GNG12: variants seen among roughly 807,000 people sequenced by gnomAD.
The protein encoded by GNG12 is G protein subunit gamma 12, also known as guanine nucleotide-binding protein G(I)/G(S)/G(O) subunit gamma-12.
For missense variants in GNG12, 69 were observed against 83.8 expected, an observed-to-expected ratio of 0.82 and a Z score of 0.69; for synonymous variants, 28 against 29.7, an observed-to-expected ratio of 0.94 and a Z score of 0.19.
chr1:67,803,681 G>T (rs1411487008), intron 1 of GNG12, among the ~76,000 whole-genome samples: 1 of 152,168 alleles, frequency 6.6e-6, no homozygotes, highest in Admixed American at 6.5e-5. Flanking sequence ...TCCCTTTTTA[G>T]AGATGCTTAG....
intron 1 of GNG12, among the ~76,000 whole-genome samples, chr1:67,806,946 T>TTATA (rs1646897246): frequency 6.6e-6 from 1 of 152,148 alleles, no homozygotes; most frequent in Non-Finnish European, 1.5e-5. Context: ...ATAATTGACT[T>TTATA]CTATAGACTA....
chr1:67,703,351 C>G lies in GNG12; in HGVS notation c.*2100G>C, dbSNP rs1646226423. On this transcript the variant is annotated 3_prime_UTR_variant, in exon 4 of 4. Coordinates refer to ENST00000370982, the MANE Select transcript of GNG12 (RefSeq NM_018841.6). ...TTTCAGTACTAAATAATAAACTATG[C>G]CTGCTACCAATAACATGCACATAAT... 1 of 152,034 alleles carries G rather than the reference C, an allele frequency of 6.6e-6. No individual in the cohort carries two copies. 9.4% of individuals were successfully genotyped at this position (152,034 alleles called of 1,614,324 possible). A position where few individuals can be genotyped will look rare whatever the true frequency, so the allele number is the denominator to read the frequency against.
intron 2 of GNG12, among the ~76,000 whole-genome samples, chr1:67,745,929 T>C (rs563696456): frequency 6.6e-6 from 1 of 152,326 alleles, no homozygotes; most frequent in Non-Finnish European, 1.5e-5. Flanking sequence ...ACTTAATAAA[T>C]ACTTATTGAC....
chr1:67,744,515 A>C (rs909630699), intron 2 of GNG12, among the ~76,000 whole-genome samples: 3 of 152,176 alleles, frequency 2.0e-5, no homozygotes, highest in African/African-American at 4.8e-5. Context: ...CATTTGTAAG[A>C]AGGAGCACCA....
intron 1 of GNG12, among the ~76,000 whole-genome samples, chr1:67,812,494 G>A (rs1042861200): frequency 6.6e-6 from 1 of 152,168 alleles, no homozygotes; most frequent in African/African-American, 2.4e-5. Flanking sequence ...AGGCCTCAAT[G>A]AGCCATCTAC....
rs546661687 is a variant in GNG12, at chr1:67,757,429, T to C, written c.-27+20029A>G. ...AAAACATTCGCATGAGCCCAGAATC[T>C]CCTTTGGCTCATCACTCATGTCTCC... On this transcript the variant is annotated intron_variant, in intron 2 of 3. Coordinates refer to ENST00000370982, the MANE Select transcript of GNG12 (RefSeq NM_018841.6). Among the ~76,000 whole-genome samples the C allele has an allele frequency of 3.9e-5, 6 of 152,272 alleles. No individual in the cohort carries two copies. The South Asian group carries it at 1.2e-3, about 32-fold the overall frequency.
chr1:67,719,149 C>T (rs189685610), intron 2 of GNG12, among the ~76,000 whole-genome samples: 1 of 152,218 alleles, frequency 6.6e-6, no homozygotes, highest in Non-Finnish European at 1.5e-5. Flanking sequence ...GGAGTGTTAC[C>T]CCATTTCCTG....
chr1:67,730,515 C>T (rs912821393), intron 2 of GNG12, among the ~76,000 whole-genome samples: 17 of 151,920 alleles, frequency 1.1e-4, no homozygotes, highest in Non-Finnish European at 2.4e-4. Context: ...CCAACCGCCC[C>T]CGCACCGACC....
intron 1 of GNG12, among the ~76,000 whole-genome samples, chr1:67,792,651 G>C (rs976784086): frequency 6.6e-6 from 1 of 152,118 alleles, no homozygotes; most frequent in African/African-American, 2.4e-5. Flanking sequence ...ATTTGTGGTA[G>C]TGGCAGTTTT....
At chr1:67,811,932 C>T (rs892059192) in intron 1 of GNG12, among the ~76,000 whole-genome samples, 1 of 152,084 alleles carries the variant, frequency 6.6e-6, no homozygotes, top group African/African-American at 2.4e-5. Flanking sequence ...CATGCAGTGC[C>T]AAGTATTCAA....
intron 2 of GNG12, among the ~76,000 whole-genome samples, chr1:67,758,532 C>T (rs1164162031): frequency 1.3e-5 from 2 of 152,300 alleles, no homozygotes; most frequent in African/African-American, 4.8e-5. Flanking sequence ...GCATGCTGGA[C>T]AGGGGCTGAG....
intron 1 of GNG12, among the ~76,000 whole-genome samples, chr1:67,811,272 G>C (rs1646923659): frequency 2.0e-5 from 3 of 152,148 alleles, no homozygotes; most frequent in Non-Finnish European, 2.9e-5. Context: ...ACTGGGTAGG[G>C]AGAGCTCGAT....
chr1:67,749,352 T>C (rs1321873052), intron 2 of GNG12, among the ~76,000 whole-genome samples: 1 of 152,098 alleles, frequency 6.6e-6, no homozygotes, highest in Non-Finnish European at 1.5e-5. Context: ...GGAGTTTTAA[T>C]AATAAAAAAG....
rs1646812341 is a variant in GNG12 at position 67,793,371 on chromosome 1, T to G, written c.-76-15864A>C. Among the ~76,000 whole-genome samples the G allele has an allele frequency of 1.3e-5, 2 of 152,254 alleles. 1 individual carries two copies. The highest frequency in any genetic ancestry group is 4.1e-4 in the South Asian group (2 of 4,836). Reference sequence around the variant, plus strand: ...AAATCATCTGCAAGTCTTGGTGAACTTTGATTTCCATGTATTTCTTTAAAG... The same window carrying G: ...AAATCATCTGCAAGTCTTGGTGAACGTTGATTTCCATGTATTTCTTTAAAG... On this transcript the variant is annotated intron_variant, in intron 1 of 3. Coordinates refer to ENST00000370982, the MANE Select transcript of GNG12 (RefSeq NM_018841.6).
chr1:67,772,939 TG>T (rs1261438110), intron 2 of GNG12, among the ~76,000 whole-genome samples: 1 of 152,218 alleles, frequency 6.6e-6, no homozygotes, highest in Non-Finnish European at 1.5e-5. Context: ...AGAGCATGTC[TG>T]AGAATGAAGC....
chr1:67,780,880 G>T (rs780785620), intron 1 of GNG12, among the ~76,000 whole-genome samples: 7 of 152,130 alleles, frequency 4.6e-5, no homozygotes, highest in Admixed American at 2.6e-4. Context: ...CAGTGTCTTG[G>T]CTGGCCATTA....
At chr1:67,795,424 A>G (rs1465123180) in intron 1 of GNG12, among the ~76,000 whole-genome samples, 3 of 152,294 alleles carry the variant, frequency 2.0e-5, no homozygotes, top group South Asian at 2.1e-4. Context: ...GACCTTTTCT[A>G]TCTTGCTTAC....
At chr1:67,819,014 AC>A (rs2100819192) in intron 1 of GNG12, among the ~76,000 whole-genome samples, 1 of 152,268 alleles carries the variant, frequency 6.6e-6, no homozygotes, top group African/African-American at 2.4e-5. Flanking sequence ...TCAGGAAGTG[AC>A]CCACTGAAAT....
At chr1:67,820,543 T>C (rs558617664) in intron 1 of GNG12, among the ~76,000 whole-genome samples, 47 of 152,244 alleles carry the variant, frequency 3.1e-4, no homozygotes, top group African/African-American at 1.1e-3. Context: ...CAGAAGCCCA[T>C]TCCTCCAGAC....
Sources: allele counts gnomAD v4.1 joint callset (sites outside exome capture counted in the v4.1 genomes callset), GRCh38; gene constraint gnomAD v4.1.1; transcripts MANE v1.5; gene names NCBI Gene and HGNC (gene_info 2026-07-23, HGNC 2026-07-21).